Variants in XKR9 observed in about 807,000 individuals in gnomAD.
The protein encoded by XKR9 is XK-related protein 9.
Under a neutral mutation model 32.0 loss-of-function variants are expected in XKR9, and 32 were observed. The observed-to-expected ratio is 1.00, with a 90% CI of 0.76 to 1.34. XKR9 has a LOEUF of 1.34. XKR9 is among the 40% of genes most tolerant of loss of function. The pLI is 0.00. For synonymous variants in XKR9, 168 were observed against 143.4 expected, an observed-to-expected ratio of 1.17 and a Z score of -1.22; for missense variants, 546 against 429.7, an observed-to-expected ratio of 1.27 and a Z score of -2.39.
chr8:70,905,780 C>T, the XKR9 span, among the ~76,000 whole-genome samples: 260 of 152,236 alleles, frequency 1.7e-3, no homozygotes, highest in Non-Finnish European at 2.8e-3. Context: ...TGGTCTTTGA[C>T]GATGGTGACG....
the XKR9 span, among the ~76,000 whole-genome samples, chr8:71,050,234 GAGATATATAT>G: frequency 1.0e-5 from 1 of 95,966 alleles, no homozygotes; most frequent in African/African-American, 3.7e-5. Flanking sequence ...ATGCCTGGCA[GAGATATATAT>G]ATATATATAT....
Position 70,743,116 on chromosome 8 carries a change from T to C in XKR9, n.352+35963T>C, listed in dbSNP as rs140430469. Among the ~76,000 whole-genome samples the C allele has an allele frequency of 2.5e-3, 388 of 152,228 alleles. 4 individuals are homozygous for C. The highest frequency in any genetic ancestry group is 0.015 in the East Asian group (78 of 5,182). On this transcript the variant is annotated intron_variant and non_coding_transcript_variant, in intron 2 of 3. Transcript: ENST00000520273. ...CATTTTTTTCCAATTTGTTTCTCTG[T>C]TCTTTAGATTGGAGTTTTCTTCAGG...
chr8:70,950,749 C>T, the XKR9 span, among the ~76,000 whole-genome samples: 1 of 152,088 alleles, frequency 6.6e-6, no homozygotes, highest in Non-Finnish European at 1.5e-5. Context: ...TCTAAGCTCA[C>T]TGCAACCTCC....
At chr8:70,912,421 G>A in the XKR9 span, among the ~76,000 whole-genome samples, 3 of 152,020 alleles carry the variant, frequency 2.0e-5, no homozygotes, top group African/African-American at 2.4e-5. Flanking sequence ...AGACACAATA[G>A]GAGCATAAAA....
At chr8:70,764,503 G>T (rs1274264812) in intron 2 of XKR9, among the ~76,000 whole-genome samples, 1 of 152,120 alleles carries the variant, frequency 6.6e-6, no homozygotes, top group African/African-American at 2.4e-5. Flanking sequence ...TTTCTGTCTT[G>T]TTTGGACTTC....
chr8:70,832,639 T>C, the XKR9 span, among the ~76,000 whole-genome samples: 2 of 152,218 alleles, frequency 1.3e-5, no homozygotes, highest in African/African-American at 4.8e-5. Flanking sequence ...AGATAACTCC[T>C]ATTAAGCATT....
At chr8:70,697,399 G>T (rs1323085581) in intron 3 of XKR9, among the ~76,000 whole-genome samples, 1 of 151,714 alleles carries the variant, frequency 6.6e-6, no homozygotes. Context: ...ATGAAGCGTT[G>T]TTGAATTTTG....
the XKR9 span, among the ~76,000 whole-genome samples, chr8:70,820,221 A>G: frequency 2.0e-5 from 3 of 152,354 alleles, no homozygotes; most frequent in East Asian, 1.9e-4. Context: ...ATCTGAACCT[A>G]TAGGCCTTGC....
intron 3 of XKR9, among the ~76,000 whole-genome samples, chr8:70,701,180 T>G (rs1289629331): frequency 6.6e-6 from 1 of 152,186 alleles, no homozygotes; most frequent in Non-Finnish European, 1.5e-5. Context: ...TCGTGCACAG[T>G]GTGCTGCACT....
chr8:71,022,928 C>T, the XKR9 span, among the ~76,000 whole-genome samples: 1 of 150,910 alleles, frequency 6.6e-6, no homozygotes, highest in African/African-American at 2.4e-5. Flanking sequence ...TCTTCAGGTC[C>T]ACGGTTTCTG....
At chr8:70,710,916 A>G (rs896185950) in intron 4 of XKR9, among the ~76,000 whole-genome samples, 1 of 152,216 alleles carries the variant, frequency 6.6e-6, no homozygotes, top group African/African-American at 2.4e-5. Flanking sequence ...ATCTATAAGG[A>G]ACTTAAACAA....
At chr8:70,941,723 T>C in the XKR9 span, among the ~76,000 whole-genome samples, 1 of 152,110 alleles carries the variant, frequency 6.6e-6, no homozygotes, top group African/African-American at 2.4e-5. Context: ...ATTATGGGAG[T>C]AATTATAAAG....
chr8:70,853,308 A>T, the XKR9 span, among the ~76,000 whole-genome samples: 1 of 152,024 alleles, frequency 6.6e-6, no homozygotes, highest in Non-Finnish European at 1.5e-5. Flanking sequence ...GTAAAAAAAA[A>T]TAGTTAGAAA....
the XKR9 span, among the ~76,000 whole-genome samples, chr8:70,813,595 G>GA: frequency 2.6e-5 from 4 of 151,928 alleles, no homozygotes; most frequent in African/African-American, 9.7e-5. Flanking sequence ...AAATTTACAA[G>GA]AAAAAAACAA....
At chr8:71,009,517 G>C in the XKR9 span, among the ~76,000 whole-genome samples, 1 of 152,222 alleles carries the variant, frequency 6.6e-6, no homozygotes, top group Non-Finnish European at 1.5e-5. Context: ...CATAGGGTTA[G>C]ATGATGATGG....
Position 70,734,334 on chromosome 8 carries a change from C to T in XKR9, c.1032C>T (p.His344=), listed in dbSNP as rs1442202452. ...TTATTGTTTATTATGGGAGTTTTCA[C>T]CCAAACAGAAGTGCAGAAACAAAAT... ...LFLIVYYGSF[H]PNRSAETKCD... The change falls in exon 5 of 5, where the codon CAC becomes CAT. Residue 344 remains histidine (H), a synonymous_variant. Coordinates refer to ENST00000408926, the MANE Select transcript of XKR9 (RefSeq NM_001011720.2). 6.2e-7 allele frequency: 1 copy of T among 1,611,920 alleles called. No individual in the cohort carries two copies. Among genetic ancestry groups the T allele is most frequent in the East Asian group, 2.2e-5 (1 of 44,752 alleles).
In XKR9 at chr8:70,733,810, G is replaced by A; in HGVS notation, c.508G>A (p.Val170Ile). 4 of 1,564,838 alleles carry A rather than the reference G, an allele frequency of 2.6e-6. No individual in the cohort carries two copies. The highest frequency in any genetic ancestry group is 3.4e-6 in the Non-Finnish European group (4 of 1,162,762). The change falls in exon 5 of 5, where the codon GTC (valine) becomes ATC (isoleucine). Residue 170 changes from valine (V) to isoleucine (I), a missense_variant. By Grantham distance (29) the Val-to-Ile change is conservative. Coordinates refer to ENST00000408926, the MANE Select transcript of XKR9 (RefSeq NM_001011720.2). ...TTGTTTTGTAGATGCGGCCATCATG[G>A]TCTCTTGCTGTGCTATTTCTTGGTC... is the stretch of plus-strand genomic sequence containing the variant. ...ANFSQYAAIM[V>I]SCCAISWSTV...
rs531421991 is a variant in XKR9, at chr8:70,766,631, A to G, written n.353-22708A>G. Among the ~76,000 whole-genome samples the G allele has an allele frequency of 1.6e-3, 250 of 152,194 alleles. 1 individual carries two copies. Among genetic ancestry groups the G allele is most frequent in the Middle Eastern group, 3.4e-3 (1 of 294 alleles). ...TGCCCTGGCCAGAACTTCCAATACT[A>G]TGTTTAATTGGAGTGGTGAGAGAGG... On this transcript the variant is annotated intron_variant and non_coding_transcript_variant, in intron 2 of 3. Coordinates refer to the XKR9 transcript ENST00000520273.
the XKR9 span, among the ~76,000 whole-genome samples, chr8:70,963,338 G>A: frequency 6.6e-6 from 1 of 152,162 alleles, no homozygotes; most frequent in African/African-American, 2.4e-5. Flanking sequence ...TGGTGTATAT[G>A]TGCTACATTT....
Sources: allele counts gnomAD v4.1 joint callset (sites outside exome capture counted in the v4.1 genomes callset), GRCh38; gene constraint gnomAD v4.1.1; transcripts MANE v1.5; gene names NCBI Gene and HGNC (gene_info 2026-07-23, HGNC 2026-07-21).